PTPRB: variants seen among roughly 807,000 people sequenced by gnomAD.
The protein encoded by PTPRB is protein tyrosine phosphatase receptor type B, also known as receptor-type tyrosine-protein phosphatase beta.
PTPRB carries 97 observed loss-of-function variants against 238.1 expected under a neutral mutation model. The ratio of observed to expected loss-of-function variants is 0.41; its 90% CI spans 0.35 to 0.48. PTPRB has a LOEUF of 0.48. Ranked by LOEUF, PTPRB falls within the 20% of genes least tolerant of loss-of-function variation. The pLI is 0.30. For missense variants in PTPRB, 2,292 were observed against 2,681.9 expected, an observed-to-expected ratio of 0.85 and a Z score of 3.21; for synonymous variants, 970 against 995.4, an observed-to-expected ratio of 0.97 and a Z score of 0.48.
chr12:70,589,820 C>T, intron 8 of PTPRB, 144 bp downstream of exon 8: 4 of 711,886 alleles, frequency 5.6e-6, no homozygotes, highest in South Asian at 4.5e-5. Flanking sequence ...TGTTAGAAAC[C>T]CCATGTTAGC....
rs1301940020 is a variant in PTPRB at position 70,580,376 on chromosome 12, A to G, written c.2578+660T>C. On this transcript the variant is annotated intron_variant, in intron 10 of 33. Coordinates refer to ENST00000334414, the MANE Select transcript of PTPRB (RefSeq NM_001109754.4). Reference sequence around the variant, plus strand: ...GTCTTGCAAACCAAGAATATATAAGAGTGAAAGATGCTTTCTTTGGGAGGT... The same window carrying G: ...GTCTTGCAAACCAAGAATATATAAGGGTGAAAGATGCTTTCTTTGGGAGGT... Among the ~76,000 whole-genome samples the G allele has an allele frequency of 2.0e-5, 3 of 152,248 alleles. No homozygotes were observed. The East Asian group carries it at 5.8e-4, about 29-fold the overall frequency.
intron 7 of PTPRB, 47 bp downstream of exon 7, chr12:70,592,235 G>C: frequency 1.9e-6 from 3 of 1,612,770 alleles, no homozygotes; most frequent in Non-Finnish European, 2.5e-6. Context: ...AGGTGGATCA[G>C]AGAGTGATTT....
At chr12:70,559,728 A>G in intron 17 of PTPRB, 104 bp from the exon 18 acceptor site, 2 of 1,102,952 alleles carry the variant, frequency 1.8e-6, no homozygotes, top group Non-Finnish European at 2.6e-6. Context: ...TGTACTTTGT[A>G]GGAAGAGATA....
At chr12:70,629,090 T>C (rs1383584120) in intron 2 of PTPRB, among the ~76,000 whole-genome samples, 1 of 152,166 alleles carries the variant, frequency 6.6e-6, no homozygotes, top group Non-Finnish European at 1.5e-5. Context: ...TTAGTAATAA[T>C]GGTGCTAGCT....
intron 21 of PTPRB, among the ~76,000 whole-genome samples, chr12:70,551,518 G>A (rs574062635): frequency 1.6e-4 from 25 of 152,176 alleles, no homozygotes; most frequent in Non-Finnish European, 3.1e-4. Flanking sequence ...GTAACAGTAC[G>A]TCATAGTCTC....
chr12:70,553,340 T>C (rs745617196), intron 20 of PTPRB, among the ~76,000 whole-genome samples: 6 of 152,206 alleles, frequency 3.9e-5, no homozygotes, highest in Non-Finnish European at 8.8e-5. Context: ...ACAACTCCCA[T>C]TGTGAGTGAA....
intron 2 of PTPRB, among the ~76,000 whole-genome samples, chr12:70,633,749 A>G (rs1309867561): frequency 6.6e-6 from 1 of 152,148 alleles, no homozygotes; most frequent in East Asian, 1.9e-4. Flanking sequence ...GTCTATTACT[A>G]GACATATTTG....
At chr12:70,564,900 T>C (rs1879087911) in intron 15 of PTPRB, among the ~76,000 whole-genome samples, 1 of 149,706 alleles carries the variant, frequency 6.7e-6, no homozygotes, top group Admixed American at 6.7e-5. Context: ...AATAGATAGA[T>C]AAAATTGTAA....
In PTPRB at chr12:70,597,460, G is replaced by A. The variant is rs535517682; in HGVS notation, c.980-1133C>T. Among the ~76,000 whole-genome samples the A allele has an allele frequency of 2.0e-5, 3 of 152,320 alleles. No individual in the cohort carries two copies. In the South Asian group the frequency reaches 6.2e-4, roughly 32 times the overall value. On this transcript the variant is annotated intron_variant, in intron 4 of 33. Coordinates refer to ENST00000334414, the MANE Select transcript of PTPRB (RefSeq NM_001109754.4). ...CTAAGTCAATGATATTTAGTGAGCA[G>A]CCATTCTTTTGGTACAGTGGGGAGT...
In PTPRB at chr12:70,596,342, C is replaced by T; in HGVS notation, c.980-15G>A. 5.0e-6 allele frequency: 6 copies of T among 1,204,536 alleles called. No homozygotes were observed. The highest frequency in any genetic ancestry group is 4.8e-5 in the Admixed American group (1 of 20,900). 74.6% of individuals were successfully genotyped at this position (1,204,536 alleles called of 1,614,324 possible). On this transcript the variant is annotated splice_polypyrimidine_tract_variant and intron_variant, in intron 4 of 33. Transcript: ENST00000334414. Reference sequence around the variant, plus strand: ...AGGTAAAGGATCTGCAAGGCAAATACACACACACACACAAAAAAAAAAAAG... The same window carrying T: ...AGGTAAAGGATCTGCAAGGCAAATATACACACACACACAAAAAAAAAAAAG...
intron 3 of PTPRB, among the ~76,000 whole-genome samples, chr12:70,613,851 T>A (rs1003776859): frequency 6.6e-6 from 1 of 152,172 alleles, no homozygotes; most frequent in Non-Finnish European, 1.5e-5. Context: ...CATGGTCCTG[T>A]TGGTCCTGCT....
At chr12:70,540,102 G>C in intron 23 of PTPRB, 80 bp from the exon 24 acceptor site, 2 of 1,202,424 alleles carry the variant, frequency 1.7e-6, no homozygotes, top group Non-Finnish European at 2.4e-6. Flanking sequence ...GTAAGGCTGT[G>C]GATGTTTGTG....
intron 28 of PTPRB, among the ~76,000 whole-genome samples, chr12:70,536,590 G>T (rs1327820564): frequency 6.6e-6 from 1 of 152,230 alleles, no homozygotes; most frequent in African/African-American, 2.4e-5. Context: ...TCACGGAAGA[G>T]AAACTGTTGA....
chr12:70,624,132 C>T (rs1333434340), intron 2 of PTPRB, among the ~76,000 whole-genome samples: 1 of 152,074 alleles, frequency 6.6e-6, no homozygotes. Context: ...ACATTCTATC[C>T]AGTCAAATAA....
chr12:70,564,930 C>T (rs1320899093), intron 15 of PTPRB, among the ~76,000 whole-genome samples: 4 of 150,972 alleles, frequency 2.6e-5, no homozygotes, highest in Non-Finnish European at 5.9e-5. Flanking sequence ...CTTGCTATCC[C>T]ACCTTCCTAA....
In PTPRB at chr12:70,636,085, A is replaced by T; in HGVS notation, c.56-19T>A. The T allele has an allele frequency of 6.3e-7, 1 of 1,582,606 alleles. No individual in the cohort carries two copies. Among genetic ancestry groups the T allele is most frequent in the Non-Finnish European group, 8.6e-7 (1 of 1,164,020 alleles). On this transcript the variant is annotated intron_variant, in intron 1 of 33. Transcript: ENST00000334414. ...AACCCTTCTGGAAGATGAAAAGCTC[A>T]TAAAGCACTATGTAGCAAATTATGA...
intron 4 of PTPRB, among the ~76,000 whole-genome samples, chr12:70,605,889 AAGTTTAAGAAG>A (rs950809408): frequency 2.6e-5 from 4 of 152,170 alleles, no homozygotes; most frequent in African/African-American, 7.2e-5. Flanking sequence ...CAAAAGTGCC[AAGTTTAAGAAG>A]AGCTCTACAA....
At chr12:70,540,374 A>T (rs1874869282) in intron 23 of PTPRB, 1 of 219,742 alleles carries the variant, frequency 4.6e-6, no homozygotes, top group African/African-American at 2.3e-5. Context: ...TAAGAAAAAA[A>T]ATTCACTAAG....
Position 70,556,161 on chromosome 12 carries a change from G to C in PTPRB, c.4715-13C>G. 2.5e-6 allele frequency: 4 copies of C among 1,606,696 alleles called. No homozygotes were observed. Among genetic ancestry groups the C allele is most frequent in the Non-Finnish European group, 3.4e-6 (4 of 1,176,300 alleles). On this transcript the variant is annotated splice_polypyrimidine_tract_variant and intron_variant, in intron 18 of 33. Transcript: ENST00000334414. Reference sequence around the variant, plus strand: ...ATCTTGTCAGGCTCTAAAGGAAACAGAGGAGGCAACACTTTTCAGAACTCA... The same window carrying C: ...ATCTTGTCAGGCTCTAAAGGAAACACAGGAGGCAACACTTTTCAGAACTCA...
Sources: gnomAD v4.1 joint callset for allele counts (sites outside exome capture counted in the v4.1 genomes callset) on GRCh38, gnomAD v4.1.1 for gene constraint, MANE v1.5 for transcripts, NCBI Gene and HGNC (gene_info 2026-07-23, HGNC 2026-07-21) for gene names.